BACH2: variants seen among roughly 807,000 people sequenced by gnomAD.
BACH2 encodes BACH transcriptional regulator 2, also known as transcription regulator protein BACH2.
A neutral mutation model predicts 61.8 loss-of-function variants in BACH2; 5 were observed. The ratio of observed to expected loss-of-function variants is 0.08; its 90% CI spans 0.04 to 0.17. The LOEUF is 0.17. BACH2 is among the 10% of genes least tolerant of loss of function. The pLI is 1.00. For synonymous variants in BACH2, 446 were observed against 440.1 expected (o/e 1.01, Z -0.17); for missense variants, 824 against 1,091.1 (o/e 0.76, Z 3.45).
intron 5 of BACH2, among the ~76,000 whole-genome samples, chr6:90,067,682 T>C (rs1278808791): frequency 6.6e-6 from 1 of 152,136 alleles, no homozygotes; most frequent in African/African-American, 2.4e-5. Context: ...GACTCATTGG[T>C]TCATTCAGTT....
At chr6:90,101,778 G>C (rs1308344749) in intron 4 of BACH2, among the ~76,000 whole-genome samples, 1 of 152,140 alleles carries the variant, frequency 6.6e-6, no homozygotes, top group African/African-American at 2.4e-5. Flanking sequence ...CAAGTCTTCT[G>C]ATCTATGAAC....
At chr6:90,250,138 G>A (rs1424207015) in intron 3 of BACH2, among the ~76,000 whole-genome samples, 1 of 152,144 alleles carries the variant, frequency 6.6e-6, no homozygotes, top group Non-Finnish European at 1.5e-5. Context: ...AGAACAAGAT[G>A]ATTCATATAT....
intron 5 of BACH2, among the ~76,000 whole-genome samples, chr6:90,078,834 T>C (rs1356782803): frequency 6.6e-6 from 1 of 152,152 alleles, no homozygotes; most frequent in Non-Finnish European, 1.5e-5. Context: ...TTTTTCCTCC[T>C]AAAGCTCTCA....
intron 4 of BACH2, among the ~76,000 whole-genome samples, chr6:90,157,988 G>A (rs1785051577): frequency 6.6e-6 from 1 of 152,162 alleles, no homozygotes; most frequent in African/African-American, 2.4e-5. Context: ...AAGGTATGTG[G>A]TGTCATGAGA....
chr6:90,056,083 C>T (rs1780331995), intron 5 of BACH2, among the ~76,000 whole-genome samples: 1 of 152,180 alleles, frequency 6.6e-6, no homozygotes, highest in Non-Finnish European at 1.5e-5. Flanking sequence ...AAAGAACCAG[C>T]TAACATCATA....
At position 90,266,141 on chromosome 6, in the gene BACH2, T is replaced by C. The variant is rs116434324; in HGVS notation, c.-353+5708A>G. ...GGCAACAACCATGGAGGAATAGCCA[T>C]GAATGTTCCTTGCGGCCACTGCACC... On this transcript the variant is annotated intron_variant, in intron 2 of 8. Coordinates refer to ENST00000257749, the MANE Select transcript of BACH2 (RefSeq NM_021813.4). Among the ~76,000 whole-genome samples the C allele has an allele frequency of 8.6e-3, 1,305 of 152,274 alleles. 20 individuals are homozygous for C. The highest frequency in any genetic ancestry group is 0.03 in the African/African-American group (1,245 of 41,562).
chr6:90,041,359 G>T (rs2127791255), intron 5 of BACH2, among the ~76,000 whole-genome samples: 1 of 151,738 alleles, frequency 6.6e-6, no homozygotes, highest in Non-Finnish European at 1.5e-5. Flanking sequence ...TTATAAAGTG[G>T]TTTTTAATGA....
chr6:90,094,958 C>T (rs1782321780), intron 4 of BACH2, among the ~76,000 whole-genome samples: 1 of 152,068 alleles, frequency 6.6e-6, no homozygotes, highest in South Asian at 2.1e-4. Flanking sequence ...AAACTTAGTT[C>T]TAAAAATACA....
chr6:90,155,225 ACT>A (rs1784955887), intron 4 of BACH2, among the ~76,000 whole-genome samples: 1 of 152,122 alleles, frequency 6.6e-6, no homozygotes, highest in Non-Finnish European at 1.5e-5. Flanking sequence ...AAAATCTATC[ACT>A]GTTATGGGCT....
intron 4 of BACH2, among the ~76,000 whole-genome samples, chr6:90,193,481 C>G (rs1263714174): frequency 6.6e-6 from 1 of 152,164 alleles, no homozygotes; most frequent in Non-Finnish European, 1.5e-5. Context: ...ACCAACCCTG[C>G]TGACACCTTG....
chr6:90,041,174 CT>C (rs1459636384), intron 5 of BACH2, among the ~76,000 whole-genome samples: 1 of 152,184 alleles, frequency 6.6e-6, no homozygotes, highest in East Asian at 1.9e-4. Context: ...TTCCCTATTA[CT>C]GGGTATATTC....
chr6:90,121,075 T>A (rs186088012), intron 4 of BACH2, among the ~76,000 whole-genome samples: 1 of 152,276 alleles, frequency 6.6e-6, no homozygotes, highest in African/African-American at 2.4e-5. Flanking sequence ...GTTGCAAGTG[T>A]CTTAAAAAAT....
At chr6:90,246,114 T>C (rs918731956) in intron 3 of BACH2, among the ~76,000 whole-genome samples, 3 of 152,214 alleles carry the variant, frequency 2.0e-5, no homozygotes, top group African/African-American at 4.8e-5. Flanking sequence ...TCAACCCAGA[T>C]TGGTGAGAGC....
intron 8 of BACH2, 104 bp from the exon 9 acceptor site, chr6:89,932,994 A>C: frequency 7.8e-7 from 1 of 1,279,954 alleles, no homozygotes; most frequent in South Asian, 1.6e-5. Context: ...CTCCATTATA[A>C]TGTAACTCAA....
rs1248884316 is a variant in BACH2 at position 90,056,587 on chromosome 6, C to G, written c.-13+32374G>C. ...ACGAGACAGAAAGTTAACAAGGATA[C>G]CCAGGAATTGAACTCAGCTCTGCAC... On this transcript the variant is annotated intron_variant, in intron 5 of 8. Coordinates refer to ENST00000257749, the MANE Select transcript of BACH2 (RefSeq NM_021813.4). Among the ~76,000 whole-genome samples, 3 of 152,014 alleles carry G rather than the reference C, an allele frequency of 2.0e-5. No individual in the cohort carries two copies. In the South Asian group the frequency reaches 6.2e-4, roughly 32 times the overall value.
intron 5 of BACH2, among the ~76,000 whole-genome samples, chr6:90,064,902 T>C (rs969956587): frequency 2.0e-5 from 3 of 152,192 alleles, no homozygotes; most frequent in Non-Finnish European, 4.4e-5. Context: ...AAATTCCATT[T>C]ATATTTTTAA....
intron 5 of BACH2, among the ~76,000 whole-genome samples, chr6:90,015,387 C>G (rs772846823): frequency 2.6e-5 from 4 of 152,024 alleles, no homozygotes; most frequent in Non-Finnish European, 5.9e-5. Flanking sequence ...AATCTGAGAT[C>G]TTTTTTGTCT....
intron 5 of BACH2, among the ~76,000 whole-genome samples, chr6:90,069,303 A>T (rs1346934096): frequency 6.6e-6 from 1 of 152,230 alleles, no homozygotes; most frequent in Non-Finnish European, 1.5e-5. Flanking sequence ...TTTCTGACTC[A>T]GTAAAACAGT....
chr6:90,168,447 T>A (rs908348023), intron 4 of BACH2, among the ~76,000 whole-genome samples: 1 of 152,176 alleles, frequency 6.6e-6, no homozygotes, highest in Non-Finnish European at 1.5e-5. Flanking sequence ...AAAATAATGA[T>A]CCACATATTA....
Sources: allele counts gnomAD v4.1 joint callset (sites outside exome capture counted in the v4.1 genomes callset), GRCh38; gene constraint gnomAD v4.1.1; transcripts MANE v1.5; gene names NCBI Gene and HGNC (gene_info 2026-07-23, HGNC 2026-07-21).